CERT1: variants seen among roughly 807,000 people sequenced by gnomAD.
CERT1 encodes the protein ceramide transfer protein.
Under a neutral mutation model 87.9 loss-of-function variants are expected in CERT1, and 31 were observed. The ratio of observed to expected loss-of-function variants is 0.35; its 90% confidence interval spans 0.27 to 0.48. The LOEUF (loss-of-function observed/expected upper bound fraction) is 0.48. Among genes scored for constraint, CERT1 ranks in the 20% least tolerant of loss-of-function variants. CERT1 has a pLI of 0.99. For synonymous variants in CERT1, 289 were observed against 250.9 expected, an observed-to-expected ratio of 1.15 and a Z score of -1.44; for missense variants, 487 against 758.0, an observed-to-expected ratio of 0.64 and a Z score of 4.20.
rs540210506 is a variant in CERT1, at chr5:75,511,118, G to A, written c.90C>T (p.Leu30=). 7.4e-5 allele frequency: 117 copies of A among 1,583,978 alleles called. No homozygotes were observed. The East Asian group carries it at 2.6e-3, about 35-fold the overall frequency. Residue 30 remains leucine, a synonymous_variant, in exon 1 of 17, where the codon CTC becomes CTT. Coordinates refer to ENST00000643780, the MANE Select transcript of CERT1 (RefSeq NM_001379029.1). ...GGCACCAGGGGTTGCTCACCTTACT[G>A]AGGACCCCGCAGCGCTCCACAGGCG... ...SGPPVERCGV[L]SKWTNYIHGW...
At chr5:75,473,634 G>T (rs1404071296) in intron 2 of CERT1, among the ~76,000 whole-genome samples, 2 of 152,122 alleles carry the variant, frequency 1.3e-5, no homozygotes, top group Non-Finnish European at 2.9e-5. Flanking sequence ...TGGTTAGATA[G>T]GAGGATTAAG....
upstream of CERT1, chr5:75,511,742 C>T: frequency 6.5e-7 from 1 of 1,550,216 alleles, no homozygotes; most frequent in Non-Finnish European, 8.7e-7. Context: ...CTTCGGGATC[C>T]TCCTCCCGAA....
At position 75,381,934 on chromosome 5, in the gene CERT1, T is replaced by A; in HGVS notation, c.1617+15A>T. ...TATATTGTTTAATTATACACATTTATATACATGTACTTACAGGAGCACTGT... is the reference window on the plus strand; with the variant it reads ...TATATTGTTTAATTATACACATTTAAATACATGTACTTACAGGAGCACTGT... On this transcript the variant is annotated intron_variant, in intron 15 of 16. Coordinates refer to ENST00000643780, the MANE Select transcript of CERT1 (RefSeq NM_001379029.1). 6.2e-7 allele frequency: 1 copy of A among 1,607,832 alleles called. No individual in the cohort carries two copies. The highest frequency in any genetic ancestry group is 8.5e-7 in the Non-Finnish European group (1 of 1,176,506).
chr5:75,412,468 T>C (rs1475230838), intron 7 of CERT1, among the ~76,000 whole-genome samples: 2 of 152,208 alleles, frequency 1.3e-5, no homozygotes, highest in African/African-American at 4.8e-5. Context: ...TAAAGAAGGC[T>C]AGTGAAAGCC....
chr5:75,379,103 AG>A lies in CERT1; in HGVS notation c.*242del. On this transcript the variant is annotated 3_prime_UTR_variant, in exon 17 of 17. Transcript: ENST00000643780. ...AAGGCTGAGATGAGAGGATTGTTTGAGGCCAGAGGTTGAGGTTGCAGTGAGC... is the reference window on the plus strand; with the variant it reads ...AAGGCTGAGATGAGAGGATTGTTTGAGCCAGAGGTTGAGGTTGCAGTGAGC... 2.7e-6 allele frequency: 1 copy of A among 368,622 alleles called. No individual in the cohort carries two copies. Among genetic ancestry groups the A allele is most frequent in the Non-Finnish European group, 4.9e-6 (1 of 203,266 alleles). The allele number at this position is 368,622 out of a possible 1,614,324, so 22.8% of individuals were successfully genotyped here. A position where few individuals can be genotyped will look rare whatever the true frequency, so the allele number is the denominator to read the frequency against.
chr5:75,469,934 T>C (rs1417238744), intron 2 of CERT1, among the ~76,000 whole-genome samples: 1 of 152,114 alleles, frequency 6.6e-6, no homozygotes, highest in Non-Finnish European at 1.5e-5. Context: ...TTCTATCAGA[T>C]GAAATAGACT....
intron 13 of CERT1, among the ~76,000 whole-genome samples, chr5:75,385,270 C>T (rs751761571): frequency 1.3e-5 from 2 of 151,978 alleles, no homozygotes; most frequent in African/African-American, 2.4e-5. Flanking sequence ...GTCAGGAGTT[C>T]GAGACCAGCC....
chr5:75,374,937 C>T (rs952414256), downstream of CERT1: 5 of 295,884 alleles, frequency 1.7e-5, no homozygotes, highest in East Asian at 3.6e-4. Context: ...GTGTGTTAGA[C>T]CAAGTGTGAA....
At chr5:75,400,465 G>A (rs1374992174) in intron 9 of CERT1, 168 bp from the exon 10 acceptor site, 6 of 531,020 alleles carry the variant, frequency 1.1e-5, no homozygotes, top group African/African-American at 1.9e-5. Context: ...CCTGATACTT[G>A]CCTCAGATAT....
intron 2 of CERT1, among the ~76,000 whole-genome samples, chr5:75,483,814 T>A (rs996814425): frequency 2.0e-5 from 3 of 152,012 alleles, no homozygotes; most frequent in Non-Finnish European, 4.4e-5. Context: ...TAGACCTGTC[T>A]TGTAAGAGCT....
chr5:75,388,341 A>G (rs1761883283), intron 12 of CERT1, among the ~76,000 whole-genome samples: 1 of 152,100 alleles, frequency 6.6e-6, no homozygotes. Flanking sequence ...TGGTCAACAT[A>G]GATTATGCAA....
At chr5:75,485,312 C>CAAA (rs757349878) in intron 2 of CERT1, among the ~76,000 whole-genome samples, 590 of 46,432 alleles carry the variant, frequency 0.013, 23 homozygotes, top group East Asian at 0.026. Flanking sequence ...CACAAAAATA[C>CAAA]AAAAAAAAAA....
At chr5:75,462,287 A>G (rs1363519656) in intron 2 of CERT1, among the ~76,000 whole-genome samples, 1 of 152,224 alleles carries the variant, frequency 6.6e-6, no homozygotes, top group Non-Finnish European at 1.5e-5. Context: ...GGTTTCATGG[A>G]AGACAGTTTT....
chr5:75,477,757 TA>T (rs566463627), intron 2 of CERT1, among the ~76,000 whole-genome samples: 1 of 151,078 alleles, frequency 6.6e-6, no homozygotes, highest in African/African-American at 2.4e-5. Context: ...TTTGTATATA[TA>T]AAAAAAATCA....
At chr5:75,500,007 G>A (rs756033283) in intron 2 of CERT1, among the ~76,000 whole-genome samples, 2 of 152,194 alleles carry the variant, frequency 1.3e-5, no homozygotes, top group African/African-American at 2.4e-5. Context: ...CCCTAATCCA[G>A]TATGACTGGT....
chr5:75,390,343 C>G (rs1029097810), intron 11 of CERT1, among the ~76,000 whole-genome samples: 2 of 152,044 alleles, frequency 1.3e-5, no homozygotes, highest in East Asian at 3.9e-4. Context: ...ATTCCAATTT[C>G]TTTGTTCTAA....
At chr5:75,426,267 A>G in intron 4 of CERT1, 104 bp downstream of exon 4, 1 of 660,656 alleles carries the variant, frequency 1.5e-6, no homozygotes, top group Non-Finnish European at 2.6e-6. Flanking sequence ...AAATTATACT[A>G]TAAAAAAGTT....
At chr5:75,450,219 A>G (rs2112277573) in intron 3 of CERT1, among the ~76,000 whole-genome samples, 1 of 152,264 alleles carries the variant, frequency 6.6e-6, no homozygotes, top group East Asian at 1.9e-4. Context: ...AGAGGACCCA[A>G]CTAAACCTGA....
chr5:75,463,716 AG>A (rs1765334402), intron 2 of CERT1, among the ~76,000 whole-genome samples: 1 of 152,212 alleles, frequency 6.6e-6, no homozygotes, highest in South Asian at 2.1e-4. Context: ...GATTATTGCC[AG>A]GGAAGAAGGC....
Sources: allele counts gnomAD v4.1 joint callset (sites outside exome capture counted in the v4.1 genomes callset), GRCh38; gene constraint gnomAD v4.1.1; transcripts MANE v1.5; gene names NCBI Gene and HGNC (gene_info 2026-07-23, HGNC 2026-07-21).